The following PKD1L3 variants were observed in gnomAD, a reference collection of about 807,000 sequenced individuals.
The protein encoded by PKD1L3 is polycystin-1-like protein 3.
PKD1L3 carries 239 observed loss-of-function variants against 184.1 expected under a neutral mutation model. That is an observed-to-expected ratio of 1.30 (90% confidence interval 1.17 to 1.45). PKD1L3 has a LOEUF of 1.45. Ranked by LOEUF, PKD1L3 falls within the 40% of genes most tolerant of loss-of-function variation. PKD1L3 has a pLI of 0.00. For synonymous variants in PKD1L3, 996 were observed against 778.8 expected (o/e 1.28, Z -4.64); for missense variants, 2,660 against 2,067.2 (o/e 1.29, Z -5.56).
At chr16:71,946,497 C>T (rs1597297376) in intron 22 of PKD1L3, among the ~76,000 whole-genome samples, 1 of 151,786 alleles carries the variant, frequency 6.6e-6, no homozygotes, top group African/African-American at 2.4e-5. Flanking sequence ...CTTGTTTTGC[C>T]CAAGATTGTG....
At chr16:71,947,821 C>T (rs1196441546) in intron 21 of PKD1L3, among the ~76,000 whole-genome samples, 1 of 152,182 alleles carries the variant, frequency 6.6e-6, no homozygotes, top group Non-Finnish European at 1.5e-5. Context: ...AGTTCTTAAT[C>T]TGGTTGGCTG....
At position 71,943,404 on chromosome 16, in the gene PKD1L3, G is replaced by A. The variant is rs200698511; in HGVS notation, c.3860-380C>T. Among the ~76,000 whole-genome samples, 16 of 151,908 alleles carry A rather than the reference G, an allele frequency of 1.1e-4. No homozygotes were observed. The East Asian group carries it at 3.1e-3, about 29-fold the overall frequency. On this transcript the variant is annotated intron_variant, in intron 23 of 29. Coordinates refer to ENST00000620267, the MANE Select transcript of PKD1L3 (RefSeq NM_181536.2). ...AATACAAAAATTAGCTGGGCGTGGT[G>A]GTCTGTGCCTGTAATCCCAGCTAAC...
rs943456311 is a variant in PKD1L3, at chr16:72,000,113, G to T, written c.-135C>A. ...GAACAATTTACCAAGGATACAAAAG[G>T]TTTTGTTTTGAGGACCCAGGTGCAG... On this transcript the variant is annotated 5_prime_UTR_variant, in exon 1 of 30. Coordinates refer to ENST00000620267, the MANE Select transcript of PKD1L3 (RefSeq NM_181536.2). 2 of 784,968 alleles carry T rather than the reference G, an allele frequency of 2.5e-6. No individual in the cohort carries two copies. Among genetic ancestry groups the T allele is most frequent in the South Asian group, 2.8e-5 (1 of 35,408 alleles). 48.6% of individuals were successfully genotyped at this position (784,968 alleles called of 1,614,324 possible).
At chr16:71,995,226 C>T (rs1158645468) in intron 2 of PKD1L3, among the ~76,000 whole-genome samples, 2 of 151,800 alleles carry the variant, frequency 1.3e-5, no homozygotes, top group East Asian at 2.0e-4. Context: ...TTTATAAGGG[C>T]CCCTAATCCC....
At chr16:71,940,684 G>A (rs998642304) in intron 24 of PKD1L3, among the ~76,000 whole-genome samples, 2 of 151,944 alleles carry the variant, frequency 1.3e-5, no homozygotes, top group Non-Finnish European at 2.9e-5. Context: ...ATTTTTAGTA[G>A]ATATGGGGTT....
At chr16:71,968,233 T>C (rs77877296) in intron 13 of PKD1L3, among the ~76,000 whole-genome samples, 86 of 152,266 alleles carry the variant, frequency 5.6e-4, no homozygotes, top group African/African-American at 1.9e-3. Context: ...GAAACAGTCA[T>C]AGAATCACCC....
chr16:71,990,260 T>C lies in PKD1L3; in HGVS notation c.585+20A>G, dbSNP rs1323121165. On this transcript the variant is annotated intron_variant, in intron 4 of 29. Transcript: ENST00000620267. ...AGAGATCAACATTTCACAATGTATGTTGTCAAGGGAAGCACTTACAAGATG... is the reference window on the plus strand; with the variant it reads ...AGAGATCAACATTTCACAATGTATGCTGTCAAGGGAAGCACTTACAAGATG... 3 of 1,524,424 alleles carry C rather than the reference T, an allele frequency of 2.0e-6. No homozygotes were observed. Among genetic ancestry groups the C allele is most frequent in the Non-Finnish European group, 2.7e-6 (3 of 1,123,228 alleles). 94.4% of individuals were successfully genotyped at this position (1,524,424 alleles called of 1,614,324 possible). A position where few individuals can be genotyped will look rare whatever the true frequency, so the allele number is the denominator to read the frequency against.
intron 27 of PKD1L3, among the ~76,000 whole-genome samples, 181 bp from the exon 28 acceptor site, chr16:71,933,702 AC>A (rs1231248508): frequency 3.3e-5 from 5 of 152,140 alleles, no homozygotes; most frequent in African/African-American, 1.2e-4. Context: ...AGTTTATTTG[AC>A]CTTTATATTA....
intron 14 of PKD1L3, 63 bp from the exon 15 acceptor site, chr16:71,967,378 C>T: frequency 1.4e-6 from 2 of 1,446,276 alleles, no homozygotes; most frequent in South Asian, 1.4e-5. Context: ...GGGTTTATCC[C>T]TAAGGAGAAA....
intron 15 of PKD1L3, among the ~76,000 whole-genome samples, chr16:71,964,561 G>T (rs529279870): frequency 6.6e-4 from 100 of 151,478 alleles, no homozygotes; most frequent in African/African-American, 2.0e-3. Context: ...GGATGGTCTC[G>T]ATCTCCTGAC....
chr16:71,950,779 G>C (rs888192672), intron 19 of PKD1L3, among the ~76,000 whole-genome samples: 1 of 148,514 alleles, frequency 6.7e-6, no homozygotes, highest in Non-Finnish European at 1.5e-5. Flanking sequence ...TGTCGTCCAG[G>C]CTGAGTGTAG....
At chr16:71,963,124 A>G in intron 16 of PKD1L3, 81 bp downstream of exon 16, 2 of 1,335,916 alleles carry the variant, frequency 1.5e-6, no homozygotes, top group Non-Finnish European at 2.0e-6. Context: ...GTTAATTTGC[A>G]TTAAAAACAA....
chr16:71,989,645 T>C (rs1282344044), intron 4 of PKD1L3, among the ~76,000 whole-genome samples: 1 of 152,252 alleles, frequency 6.6e-6, no homozygotes, highest in Non-Finnish European at 1.5e-5. Context: ...TTTCCCTTTC[T>C]GTTAGATGTT....
At chr16:71,933,367 T>A in intron 28 of PKD1L3, 53 bp downstream of exon 28, 1 of 1,366,354 alleles carries the variant, frequency 7.3e-7, no homozygotes, top group Non-Finnish European at 1.0e-6. Flanking sequence ...ACCCCCCCAA[T>A]TTTCCTTGTT....
In PKD1L3 at chr16:71,993,776, G is replaced by A. The variant is rs891332682; in HGVS notation, c.419-444C>T. ...AGATAAAAGAGTTCAGAAGGTGGAT[G>A]ATAACATTCTTTTTTTTGAGACAAT... On this transcript the variant is annotated intron_variant, in intron 2 of 29. Coordinates refer to ENST00000620267, the MANE Select transcript of PKD1L3 (RefSeq NM_181536.2). Among the ~76,000 whole-genome samples, 5 of 112,024 alleles carry A rather than the reference G, an allele frequency of 4.5e-5. No individual in the cohort carries two copies. In the East Asian group the frequency reaches 1.0e-3, roughly 23 times the overall value. 73.5% of individuals were successfully genotyped at this position (112,024 alleles called of 152,430 possible). A position where few individuals can be genotyped will look rare whatever the true frequency, so the allele number is the denominator to read the frequency against.
intron 16 of PKD1L3, among the ~76,000 whole-genome samples, chr16:71,955,549 G>C (rs1229078469): frequency 1.3e-5 from 2 of 152,058 alleles, no homozygotes; most frequent in Non-Finnish European, 1.5e-5. Flanking sequence ...GTGGAGTGCA[G>C]TGGTGAGATC....
intron 4 of PKD1L3, among the ~76,000 whole-genome samples, chr16:71,990,034 G>T (rs1160972356): frequency 6.8e-6 from 1 of 147,414 alleles, no homozygotes; most frequent in Non-Finnish European, 1.5e-5. Context: ...AAGATGGATG[G>T]CACCATTGCA....
rs761110017 is a variant in PKD1L3, at chr16:71,951,694, G to A, written c.3060C>T (p.Leu1020=). 7.7e-6 allele frequency: 12 copies of A among 1,551,698 alleles called. No homozygotes were observed. In the South Asian group the frequency reaches 1.4e-4, roughly 18 times the overall value. ...RFLLRRNTYL[L]SKCEQPPWSS... ...TCCATGGCGGCTGCTCACACTTGGA[G>A]AGTAGGTATGTATTTCTCCTGAGCA... The change falls in exon 19 of 30, where the codon CTC becomes CTT. Residue 1020 remains leucine (L), a synonymous_variant. Transcript: ENST00000620267.
chr16:71,934,267 T>C (rs988260692), intron 26 of PKD1L3, 142 bp from the exon 27 acceptor site: 2 of 724,482 alleles, frequency 2.8e-6, no homozygotes, highest in Non-Finnish European at 4.6e-6. Context: ...CTTTCTATTG[T>C]GGCCTCCTGT....
Sources: allele counts gnomAD v4.1 joint callset (sites outside exome capture counted in the v4.1 genomes callset), GRCh38; gene constraint gnomAD v4.1.1; transcripts MANE v1.5; gene names NCBI Gene and HGNC (gene_info 2026-07-23, HGNC 2026-07-21).